Variants in ANAPC10 observed in about 807,000 individuals in gnomAD.
ANAPC10 encodes anaphase promoting complex subunit 10, also known as anaphase-promoting complex subunit 10.
A neutral mutation model predicts 22.0 loss-of-function variants in ANAPC10; 12 were observed. The observed-to-expected ratio is 0.55, with a 90% confidence interval of 0.35 to 0.88. ANAPC10 has a LOEUF of 0.88. Ranked by LOEUF, ANAPC10 falls within the 40% of genes least tolerant of loss-of-function variation. The probability of loss-of-function intolerance (pLI) is 0.01; values close to 1 mark genes in which losing one functional copy is unlikely to be tolerated. For synonymous variants in ANAPC10, 65 were observed against 69.5 expected (o/e 0.94, Z 0.32); for missense variants, 188 against 220.9 (o/e 0.85, Z 0.94).
intron 4 of ANAPC10, among the ~76,000 whole-genome samples, chr4:145,047,091 T>C (rs149185812): frequency 2.0e-4 from 30 of 152,192 alleles, no homozygotes; most frequent in Admixed American, 3.9e-4. Flanking sequence ...AAGACAGGCA[T>C]TGTAATTTTC....
chr4:145,018,745 G>A (rs1424352900), intron 4 of ANAPC10, among the ~76,000 whole-genome samples: 6 of 152,002 alleles, frequency 3.9e-5, no homozygotes, highest in African/African-American at 1.4e-4. Context: ...AAGTAAAGGA[G>A]TGGAAAAAGG....
chr4:145,039,621 A>C (rs973713649), intron 4 of ANAPC10, among the ~76,000 whole-genome samples: 1 of 151,908 alleles, frequency 6.6e-6, no homozygotes, highest in African/African-American at 2.4e-5. Flanking sequence ...TTTGAAACAC[A>C]GTCTCGCTCT....
At chr4:145,098,429 T>G (rs899143307), upstream of ANAPC10, 1 of 152,500 alleles carries the variant, frequency 6.6e-6, no homozygotes, top group East Asian at 1.9e-4. Context: ...GGTACGTGAA[T>G]AGCCCGGAGA....
At chr4:145,075,187 G>T (rs1318062955) in intron 3 of ANAPC10, among the ~76,000 whole-genome samples, 1 of 152,036 alleles carries the variant, frequency 6.6e-6, no homozygotes, top group Admixed American at 6.6e-5. Context: ...ACATCACACT[G>T]TTAATTGAAA....
At chr4:145,012,160 G>GTA (rs772054364) in intron 4 of ANAPC10, among the ~76,000 whole-genome samples, 13 of 133,954 alleles carry the variant, frequency 9.7e-5, no homozygotes, top group East Asian at 4.6e-4. Context: ...CAAGCTATAT[G>GTA]TATATGTGTG....
At position 145,045,736 on chromosome 4, in the gene ANAPC10, G is replaced by A. The variant is rs1740200080; in HGVS notation, c.327+18836C>T. Among the ~76,000 whole-genome samples the A allele has an allele frequency of 2.0e-5, 3 of 152,024 alleles. No individual in the cohort carries two copies. In the South Asian group the frequency reaches 6.2e-4, roughly 32 times the overall value. ...ACATACACACATACTCATCTAAAAT[G>A]TCACACGTCAATACTCCTGATTTCC... On this transcript the variant is annotated intron_variant, in intron 4 of 4. Transcript: ENST00000507656.
chr4:145,065,925 T>C lies in ANAPC10; in HGVS notation c.207-1233A>G, dbSNP rs559502646. Among the ~76,000 whole-genome samples, 6 of 152,140 alleles carry C rather than the reference T, an allele frequency of 3.9e-5. No individual in the cohort carries two copies. In the South Asian group the frequency reaches 1.2e-3, roughly 32 times the overall value. On this transcript the variant is annotated intron_variant, in intron 3 of 4. Transcript: ENST00000507656. ...GATCTTTATTTTCTTCTTTATGATT[T>C]TTAAAGTTTCTGAACAATTTTTCAG...
intron 2 of ANAPC10, among the ~76,000 whole-genome samples, chr4:145,095,261 G>T (rs1032774093): frequency 5.9e-5 from 9 of 152,166 alleles, no homozygotes; most frequent in Middle Eastern, 3.4e-3. Context: ...ATATTAAAAG[G>T]GAAATTCCAG....
At chr4:144,997,305 T>C (rs1578847464) in intron 4 of ANAPC10, among the ~76,000 whole-genome samples, 1 of 151,916 alleles carries the variant, frequency 6.6e-6, no homozygotes, top group South Asian at 2.1e-4. Flanking sequence ...CCAAGGTTGA[T>C]ATGAAGGAAA....
chr4:145,038,541 G>A (rs1738971343), intron 4 of ANAPC10, among the ~76,000 whole-genome samples: 1 of 151,524 alleles, frequency 6.6e-6, no homozygotes, highest in Non-Finnish European at 1.5e-5. Flanking sequence ...AAAAGCTAAG[G>A]CAGCCAGGCG....
At chr4:145,090,789 TATTA>T (rs1386132218) in intron 2 of ANAPC10, among the ~76,000 whole-genome samples, 3 of 152,346 alleles carry the variant, frequency 2.0e-5, no homozygotes, top group East Asian at 1.9e-4. Context: ...AAATAAAAGT[TATTA>T]ATTATTACAT....
intron 4 of ANAPC10, among the ~76,000 whole-genome samples, chr4:145,042,270 C>T (rs1464449601): frequency 6.6e-6 from 1 of 152,112 alleles, no homozygotes; most frequent in Non-Finnish European, 1.5e-5. Flanking sequence ...CATAAATATA[C>T]TTCCTGAACG....
At chr4:145,025,104 TTTATAGAA>T (rs2127010248) in intron 4 of ANAPC10, among the ~76,000 whole-genome samples, 1 of 152,288 alleles carries the variant, frequency 6.6e-6, no homozygotes, top group Non-Finnish European at 1.5e-5. Context: ...CCTCTTAGCC[TTTATAGAA>T]TTCAAGAGTT....
Position 144,998,007 on chromosome 4 carries a change from G to C in ANAPC10, c.328-2404C>G, listed in dbSNP as rs544281247. Among the ~76,000 whole-genome samples the C allele has an allele frequency of 3.3e-5, 5 of 152,212 alleles. No individual in the cohort carries two copies. The East Asian group carries it at 9.7e-4, about 29-fold the overall frequency. The stretch of plus-strand genomic sequence containing the variant: ...GAAGGCCATTACATAATGGTAAAGG[G>C]ATCAATTCAACAAGAAGAGCTAACT... On this transcript the variant is annotated intron_variant, in intron 4 of 4. Coordinates refer to ENST00000507656, the MANE Select transcript of ANAPC10 (RefSeq NM_001256706.2).
intron 4 of ANAPC10, among the ~76,000 whole-genome samples, chr4:145,012,328 G>A (rs1475187932): frequency 2.0e-5 from 3 of 151,428 alleles, no homozygotes; most frequent in Non-Finnish European, 4.4e-5. Context: ...GAATACACAA[G>A]GTTGTTAAGA....
chr4:145,053,697 T>C, intron 4 of ANAPC10: 2 of 609,316 alleles, frequency 3.3e-6, no homozygotes, highest in Non-Finnish European at 5.9e-6. Flanking sequence ...GTCTTTTATT[T>C]GCAGTTTCTG....
rs114348681 is a variant in ANAPC10 at position 145,027,507 on chromosome 4, T to C, written c.328-31904A>G. On this transcript the variant is annotated intron_variant, in intron 4 of 4. Coordinates refer to ENST00000507656, the MANE Select transcript of ANAPC10 (RefSeq NM_001256706.2). Reference sequence around the variant, plus strand: ...GGACTCAGGGACAGGTATCTTCAAATTGATAGAAACCATTGAGCACCCTGC... The same window carrying C: ...GGACTCAGGGACAGGTATCTTCAAACTGATAGAAACCATTGAGCACCCTGC... 3.0e-3 allele frequency among the ~76,000 whole-genome samples: 449 copies of C among 152,184 alleles called. 2 individuals are homozygous for C. The highest frequency in any genetic ancestry group is 0.01 in the African/African-American group (420 of 41,532).
rs562467292 is a variant in ANAPC10 at position 144,994,717 on chromosome 4, A to G, written c.*656T>C. 2.0e-5 allele frequency: 3 copies of G among 152,242 alleles called. No homozygotes were observed. Among genetic ancestry groups the G allele is most frequent in the South Asian group, 2.1e-4 (1 of 4,830 alleles). 9.4% of individuals were successfully genotyped at this position (152,242 alleles called of 1,614,324 possible). A position where few individuals can be genotyped will look rare whatever the true frequency, so the allele number is the denominator to read the frequency against. On this transcript the variant is annotated 3_prime_UTR_variant, in exon 5 of 5. Transcript: ENST00000507656. ...CCATAAGTACTGCTAGAACTCTTCC[A>G]TAAGTACTGCTAGATTATACAGGCA...
chr4:145,085,189 C>T (rs1041938410), intron 2 of ANAPC10, among the ~76,000 whole-genome samples: 8 of 152,050 alleles, frequency 5.3e-5, no homozygotes, highest in Non-Finnish European at 7.4e-5. Context: ...TCCTGGAGTT[C>T]GAGGCTGTAG....
Sources: gnomAD v4.1 joint callset for allele counts (sites outside exome capture counted in the v4.1 genomes callset) on GRCh38, gnomAD v4.1.1 for gene constraint, MANE v1.5 for transcripts, NCBI Gene and HGNC (gene_info 2026-07-23, HGNC 2026-07-21) for gene names.